DET1: variants seen among roughly 807,000 people sequenced by gnomAD.
DET1 encodes DET1 homolog.
In DET1, 22 loss-of-function variants were observed where a neutral mutation model predicts 43.7. The ratio of observed to expected loss-of-function variants is 0.50; its 90% confidence interval spans 0.36 to 0.72. DET1 has a LOEUF of 0.72. DET1 is among the 30% of genes least tolerant of loss of function. DET1 has a pLI of 0.00. For synonymous variants in DET1, 315 were observed against 266.2 expected, an observed-to-expected ratio of 1.18 and a Z score of -1.79; for missense variants, 713 against 713.3, an observed-to-expected ratio of 1.00 and a Z score of 0.00.
chr15:88,515,575 A>T (rs2056324171), intron 4 of DET1, among the ~76,000 whole-genome samples: 1 of 148,700 alleles, frequency 6.7e-6, no homozygotes, highest in Admixed American at 6.7e-5. Flanking sequence ...AAAAGACCGA[A>T]GGGACCAAAT....
intron 3 of DET1, among the ~76,000 whole-genome samples, chr15:88,520,659 C>A (rs2056465487): frequency 6.6e-6 from 1 of 152,212 alleles, no homozygotes; most frequent in Non-Finnish European, 1.5e-5. Context: ...CATAGACCAT[C>A]CTCCATTAAT....
chr15:88,544,210 A>G (rs1384645227), intron 1 of DET1, among the ~76,000 whole-genome samples: 1 of 152,150 alleles, frequency 6.6e-6, no homozygotes, highest in Admixed American at 6.5e-5. Flanking sequence ...CATTGTGCCT[A>G]TCGACCCCAG....
chr15:88,506,411 G>A (rs1240721873), intron 7 of DET1, among the ~76,000 whole-genome samples: 3 of 148,912 alleles, frequency 2.0e-5, no homozygotes, highest in Non-Finnish European at 3.0e-5. Flanking sequence ...AACATTGCCT[G>A]ATAGGCAAAG....
In DET1 at chr15:88,531,923, A is replaced by G; in HGVS notation, c.-10-208T>C. 1.8e-6 allele frequency: 1 copy of G among 558,760 alleles called. No individual in the cohort carries two copies. The highest frequency in any genetic ancestry group is 3.0e-5 in the East Asian group (1 of 33,114). 34.6% of individuals were successfully genotyped at this position (558,760 alleles called of 1,614,324 possible). ...AGAAACAGGTCTAAGGGAAGGATCT[A>G]GTTCACTAGGAATACCTTCCAAGTA... On this transcript the variant is annotated intron_variant, in intron 1 of 4. Transcript: ENST00000268148. The surrounding 1 kb of genome is among the most constrained non-coding windows in gnomAD (Gnocchi z 6.2).
downstream of DET1, among the ~76,000 whole-genome samples, chr15:88,509,326 G>C (rs1198589768): frequency 6.6e-6 from 1 of 152,190 alleles, no homozygotes; most frequent in Non-Finnish European, 1.5e-5. Flanking sequence ...TACTGAAGGA[G>C]GGGTTTTGAA....
In DET1 at chr15:88,527,588, G is replaced by A. The variant is rs2056698765; in HGVS notation, c.1271+11C>T. 1 of 1,584,272 alleles carries A rather than the reference G, an allele frequency of 6.3e-7. No individual in the cohort carries two copies. The highest frequency in any genetic ancestry group is 2.3e-5 in the East Asian group (1 of 44,030). ...AAAGAAAAGACTGTTGAGTCTGGTG[G>A]AACAGCTTACCGGCGCTGGATCTGC... On this transcript the variant is annotated intron_variant, in intron 3 of 4. Transcript: ENST00000268148.
intron 3 of DET1, among the ~76,000 whole-genome samples, chr15:88,524,678 C>T (rs1016072630): frequency 2.6e-5 from 4 of 152,176 alleles, no homozygotes; most frequent in East Asian, 1.9e-4. Flanking sequence ...GAATCATGTG[C>T]TGTGTCCACT....
chr15:88,522,892 T>G (rs565653649), intron 3 of DET1, among the ~76,000 whole-genome samples: 5 of 151,578 alleles, frequency 3.3e-5, no homozygotes, highest in Non-Finnish European at 7.4e-5. Context: ...TCTTCTTTTT[T>G]TTTTTTTGAG....
At chr15:88,545,456 A>G (rs1406054979) in intron 1 of DET1, among the ~76,000 whole-genome samples, 1 of 152,196 alleles carries the variant, frequency 6.6e-6, no homozygotes, top group African/African-American at 2.4e-5. Context: ...GAATATCTAG[A>G]TAGGCAACAA....
chr15:88,546,033 T>C (rs933472138), intron 1 of DET1, among the ~76,000 whole-genome samples: 4 of 151,832 alleles, frequency 2.6e-5, no homozygotes, highest in Non-Finnish European at 4.4e-5. Flanking sequence ...TTTTAACTTT[T>C]TGACTACCTA....
At chr15:88,507,712 G>A (rs115401467), downstream of DET1, among the ~76,000 whole-genome samples, 1,415 of 152,310 alleles carry the variant, frequency 9.3e-3, 23 homozygotes, top group African/African-American at 0.032. Context: ...CCACTATCCA[G>A]TGCCCTATGA....
intron 1 of DET1, among the ~76,000 whole-genome samples, chr15:88,533,422 T>C (rs2056867794): frequency 6.6e-6 from 1 of 152,238 alleles, no homozygotes; most frequent in East Asian, 1.9e-4. Flanking sequence ...CCAACAATTC[T>C]ACTTCTGGGT....
At chr15:88,529,355 G>A (rs1330370011) in intron 2 of DET1, among the ~76,000 whole-genome samples, 1 of 152,042 alleles carries the variant, frequency 6.6e-6, no homozygotes, top group Admixed American at 6.6e-5. Flanking sequence ...GGCAGACTGG[G>A]AAATAAAGAA....
chr15:88,516,781 C>A lies in DET1; in HGVS notation c.1463+1G>T. 1 of 1,571,254 alleles carries A rather than the reference C, an allele frequency of 6.4e-7. No individual in the cohort carries two copies. Among genetic ancestry groups the A allele is most frequent in the South Asian group, 1.2e-5 (1 of 83,536 alleles). ...TTGTAGCTATAGCAGTGACACTGTA[C>A]CTGATTGGGTGATCTCCACAAGTCT... On this transcript the variant is annotated splice_donor_variant, in intron 4 of 4. Coordinates refer to ENST00000268148, the MANE Select transcript of DET1 (RefSeq NM_001144074.3). LOFTEE classifies it high-confidence loss of function. The surrounding 1 kb of genome is among the most constrained non-coding windows in gnomAD (Gnocchi z 4.4).
At chr15:88,544,359 G>A (rs1181926084) in intron 1 of DET1, among the ~76,000 whole-genome samples, 1 of 152,188 alleles carries the variant, frequency 6.6e-6, no homozygotes, top group Admixed American at 6.5e-5. Context: ...ATCAGGCTAG[G>A]TTCTCACCTT....
intron 1 of DET1, among the ~76,000 whole-genome samples, chr15:88,543,394 T>C (rs1390291733): frequency 2.0e-5 from 3 of 152,230 alleles, no homozygotes; most frequent in African/African-American, 7.2e-5. Context: ...TGTCAGATGC[T>C]TGCATTTTAC....
downstream of DET1, among the ~76,000 whole-genome samples, chr15:88,509,818 C>T (rs1406534222): frequency 1.3e-5 from 2 of 152,218 alleles, no homozygotes; most frequent in Middle Eastern, 3.2e-3. Flanking sequence ...TCCAACGGAA[C>T]ATGAAGGGGA....
At chr15:88,536,162 G>C in intron 1 of DET1, 1 of 606,994 alleles carries the variant, frequency 1.6e-6, no homozygotes, top group Non-Finnish European at 3.0e-6. Flanking sequence ...AGTGCTGAAA[G>C]ATCTGCCTCT....
intron 1 of DET1, among the ~76,000 whole-genome samples, chr15:88,539,277 G>A (rs2057034195): frequency 6.6e-6 from 1 of 151,982 alleles, no homozygotes; most frequent in Non-Finnish European, 1.5e-5. Flanking sequence ...GCCCTCACCT[G>A]CAGTTCTGGG....
Sources: gnomAD v4.1 joint callset for allele counts (sites outside exome capture counted in the v4.1 genomes callset) on GRCh38, gnomAD v4.1.1 for gene constraint, Gnocchi (gnomAD v3.1) non-coding constraint, MANE v1.5 for transcripts, NCBI Gene and HGNC (gene_info 2026-07-23, HGNC 2026-07-21) for gene names.